Variants in ZNF506 observed in about 807,000 individuals in gnomAD.
The protein encoded by ZNF506 is zinc finger protein 506.
In ZNF506, 10 loss-of-function variants were observed where a neutral mutation model predicts 11.6. The ratio of observed to expected loss-of-function variants is 0.86; its 90% confidence interval spans 0.53 to 1.46. ZNF506 has a LOEUF of 1.46. Among genes scored for constraint, ZNF506 ranks in the 40% most tolerant of loss-of-function variants. ZNF506 has a pLI of 0.00. For synonymous variants in ZNF506, 156 were observed against 173.3 expected, an observed-to-expected ratio of 0.90 and a Z score of 0.78; for missense variants, 425 against 521.2, an observed-to-expected ratio of 0.82 and a Z score of 1.80.
intron 1 of ZNF506, among the ~76,000 whole-genome samples, chr19:19,816,839 A>C (rs1444392666): frequency 5.8e-4 from 23 of 39,406 alleles, no homozygotes; most frequent in Non-Finnish European, 9.8e-4. Flanking sequence ...TTTTTTTTTG[A>C]GGGGAGTTTT....
At chr19:19,818,750 C>T (rs1176275897) in intron 1 of ZNF506, among the ~76,000 whole-genome samples, 1 of 152,090 alleles carries the variant, frequency 6.6e-6, no homozygotes, top group Non-Finnish European at 1.5e-5. Flanking sequence ...TGTCTGTAAT[C>T]CCAGCACTTC....
rs748927071 is a variant in ZNF506, at chr19:19,795,131, A to G, written c.756T>C (p.Thr252=). The G allele has an allele frequency of 3.1e-6, 5 of 1,613,786 alleles. No homozygotes were observed. The South Asian group carries it at 5.5e-5, about 18-fold the overall frequency. The change falls in exon 4 of 4, where the codon ACT becomes ACC. Residue 252 remains threonine, a synonymous_variant. Transcript: ENST00000540806. ...CTCTACATCTGTAGGGTTTCTCTCC[A>G]GTATGAATTATCTTATGTGTAGTAA... ...CNLTTHKIIH[T]GEKPYRCREC...
rs776534312 is a variant in ZNF506 at position 19,806,093 on chromosome 19, C to T, written c.164G>A (p.Cys55Tyr). ...TAAAGGTTTTTTTCCTTGCTCCAGACAGGTGATCAGGTTTGGTTTAGAGAC... is the reference window on the plus strand; with the variant it reads ...TAAAGGTTTTTTTCCTTGCTCCAGATAGGTGATCAGGTTTGGTTTAGAGAC... ...IVVSKPNLIT[C>Y]LEQGKKPLTM... The change falls in exon 3 of 4, where the codon TGT becomes TAT. Residue 55 changes from cysteine to tyrosine, a missense_variant. Transcript: ENST00000540806. 1.2e-6 allele frequency: 2 copies of T among 1,606,420 alleles called. No individual in the cohort carries two copies. Among genetic ancestry groups the T allele is most frequent in the Admixed American group, 1.7e-5 (1 of 57,424 alleles).
chr19:19,821,458 TG>T, intron 1 of ZNF506, 142 bp downstream of exon 1: 1 of 1,101,208 alleles, frequency 9.1e-7, no homozygotes, highest in Non-Finnish European at 1.4e-6. Flanking sequence ...GGGGCGGAGC[TG>T]GGCAATGAGA....
intron 1 of ZNF506, among the ~76,000 whole-genome samples, chr19:19,809,244 T>C (rs1172550167): frequency 5.9e-5 from 9 of 152,230 alleles, no homozygotes; most frequent in Admixed American, 5.2e-4. Flanking sequence ...GAAGCTATGA[T>C]GCAGAGAATA....
chr19:19,804,791 G>A (rs191432071), intron 3 of ZNF506, among the ~76,000 whole-genome samples: 1 of 152,268 alleles, frequency 6.6e-6, no homozygotes, highest in East Asian at 1.9e-4. Flanking sequence ...CAGGGACATG[G>A]ATGAAGCTGG....
intron 3 of ZNF506, among the ~76,000 whole-genome samples, chr19:19,804,479 T>C (rs1398186512): frequency 6.6e-6 from 1 of 152,222 alleles, no homozygotes; most frequent in Non-Finnish European, 1.5e-5. Context: ...TTTTACACTG[T>C]TGGCGGGAGT....
Position 19,795,174 on chromosome 19 carries a change from T to C in ZNF506, c.713A>G (p.Tyr238Cys), listed in dbSNP as rs1288271808. The stretch of plus-strand genomic sequence containing the variant: ...TGTAGTAAGGTTACAGGACTGCTTA[T>C]AGGCTTTGCCACATTCTTCACATTT... ...PYKCEECGKA[Y>C]KQSCNLTTHK... Residue 238 changes from tyrosine (Y) to cysteine (C), a missense_variant, in exon 4 of 4, where the codon TAT becomes TGT. This residue lies in a region of ZNF506 where 226 missense variants were observed against 279.1 expected (regional missense o/e 0.81). Transcript: ENST00000540806. 1.2e-6 allele frequency: 2 copies of C among 1,609,616 alleles called. No individual in the cohort carries two copies. The highest frequency in any genetic ancestry group is 1.4e-5 in the African/African-American group (1 of 73,670).
intron 1 of ZNF506, among the ~76,000 whole-genome samples, chr19:19,811,228 C>T (rs889785846): frequency 1.3e-5 from 2 of 152,148 alleles, no homozygotes; most frequent in African/African-American, 4.8e-5. Context: ...GGTGCGATCT[C>T]GGCTCACTGC....
At chr19:19,799,456 A>G in intron 3 of ZNF506, 2 of 674,280 alleles carry the variant, frequency 3.0e-6, no homozygotes. Context: ...ACCACCTGTT[A>G]GGTCAAAAAC....
At chr19:19,814,016 C>A (rs1320311184) in intron 1 of ZNF506, among the ~76,000 whole-genome samples, 1 of 151,814 alleles carries the variant, frequency 6.6e-6, no homozygotes, top group Non-Finnish European at 1.5e-5. Context: ...TTAGTAAAAA[C>A]AAAATATGGT....
At chr19:19,806,196 G>T in intron 2 of ZNF506, 70 bp from the exon 3 acceptor site, 1 of 1,101,232 alleles carries the variant, frequency 9.1e-7, no homozygotes. Flanking sequence ...ACTGTGCTCA[G>T]CAGAGAGGAT....
In ZNF506 at chr19:19,821,594, C is replaced by T. The variant is rs1234857949; in HGVS notation, c.3+7G>A. ...CCTCTCTCGGGATGTCGAACTGGCA[C>T]TCTCACCATTTCTAGGCTTCCAGGG... On this transcript the variant is annotated splice_region_variant and intron_variant, in intron 1 of 3. Coordinates refer to ENST00000540806, the MANE Select transcript of ZNF506 (RefSeq NM_001099269.3). 2.5e-6 allele frequency: 4 copies of T among 1,613,978 alleles called. No individual in the cohort carries two copies. The African/African-American group carries it at 5.3e-5, about 22-fold the overall frequency.
At chr19:19,799,267 G>A in intron 3 of ZNF506, 1 of 403,352 alleles carries the variant, frequency 2.5e-6, no homozygotes, top group Non-Finnish European at 4.4e-6. Context: ...ATTATAGTAG[G>A]ATATTTCAAT....
At chr19:19,820,388 G>T (rs1284795960) in intron 1 of ZNF506, 2 of 152,070 alleles carry the variant, frequency 1.3e-5, no homozygotes, top group Admixed American at 6.5e-5. Context: ...CATCTCGATT[G>T]TACAAATTTA....
At chr19:19,820,374 T>C (rs1036611981) in intron 1 of ZNF506, 2 of 152,032 alleles carry the variant, frequency 1.3e-5, no homozygotes, top group Non-Finnish European at 2.9e-5. Context: ...AACCAGGAAA[T>C]TTCCATCTCG....
intron 3 of ZNF506, chr19:19,796,648 C>T (rs1248416462): frequency 1.3e-5 from 2 of 152,144 alleles, no homozygotes; most frequent in African/African-American, 4.8e-5. Context: ...CGTGATCCGC[C>T]CGCCTCGGCC....
chr19:19,809,742 C>T (rs553879024), intron 1 of ZNF506, among the ~76,000 whole-genome samples: 1 of 152,202 alleles, frequency 6.6e-6, no homozygotes, highest in Non-Finnish European at 1.5e-5. Context: ...ATTTCTGCTA[C>T]AGTAATGGAA....
intron 1 of ZNF506, among the ~76,000 whole-genome samples, chr19:19,809,083 C>T (rs1423741044): frequency 1.3e-5 from 2 of 152,130 alleles, no homozygotes; most frequent in African/African-American, 2.4e-5. Flanking sequence ...GGAGCCTCAA[C>T]ATTACATGTT....
Sources: gnomAD v4.1 joint callset for allele counts (sites outside exome capture counted in the v4.1 genomes callset) on GRCh38, gnomAD v4.1.1 for gene constraint, gnomAD v4.1.1 regional missense constraint, MANE v1.5 for transcripts, NCBI Gene and HGNC (gene_info 2026-07-23, HGNC 2026-07-21) for gene names.